Variants in JHY observed in about 807,000 individuals in gnomAD.
JHY encodes the protein jhy protein homolog.
Under a neutral mutation model 78.0 loss-of-function variants are expected in JHY, and 69 were observed. The observed-to-expected ratio is 0.88, with a 90% CI of 0.73 to 1.08. JHY has a LOEUF of 1.08. Ranked by LOEUF, JHY falls within the 50% of genes least tolerant of loss-of-function variation. The pLI, the probability that JHY is intolerant of heterozygous loss-of-function variation, is 0.00. For synonymous variants in JHY, 368 were observed against 342.6 expected (o/e 1.07, Z -0.82); for missense variants, 944 against 927.8 (o/e 1.02, Z -0.23).
intron 5 of JHY, among the ~76,000 whole-genome samples, chr11:122,937,981 C>T (rs553334916): frequency 6.6e-6 from 1 of 151,990 alleles, no homozygotes; most frequent in South Asian, 2.1e-4. Context: ...TCTGAAGCCA[C>T]CTTATTCCTG....
chr11:122,885,627 TACACAC>T, intron 1 of JHY, 128 bp from the exon 2 acceptor site: 1 of 488,868 alleles, frequency 2.0e-6, no homozygotes, highest in Non-Finnish European at 3.6e-6. Flanking sequence ...ACCTTTCTTA[TACACAC>T]AAAAGGGTGC....
chr11:122,959,391 A>G lies in JHY; in HGVS notation c.2283A>G (p.Arg761=), dbSNP rs1164157420. 5.0e-6 allele frequency: 8 copies of G among 1,614,184 alleles called. No homozygotes were observed. The East Asian group carries it at 1.8e-4, about 36-fold the overall frequency. Residue 761 remains arginine, a synonymous_variant, in exon 9 of 9, where the codon AGA becomes AGG. Coordinates refer to ENST00000227349, the MANE Select transcript of JHY (RefSeq NM_024806.4). ...CACTGCTGGAAATACTGCAGAACAG[A>G]CACGAAAGGGAAAAACAGGCTGTGG... ...EISLLEILQN[R]HEREKQAVAA...
intron 5 of JHY, among the ~76,000 whole-genome samples, chr11:122,943,444 C>T (rs1863911679): frequency 6.6e-6 from 1 of 152,148 alleles, no homozygotes. Context: ...ATTCTATATA[C>T]TTACATTCTA....
At position 122,962,938 on chromosome 11, in the gene JHY, T is replaced by C. The variant is rs10892929; in HGVS notation, c.*3493T>C. 0.071 allele frequency among the ~76,000 whole-genome samples: 10,807 copies of C among 152,156 alleles called. 819 individuals are homozygous for C. Among genetic ancestry groups the C allele is most frequent in the African/African-American group, 0.19 (7,815 of 41,472 alleles). On this transcript the variant is annotated 3_prime_UTR_variant, in exon 9 of 9. Transcript: ENST00000227349. ...TGTCTATGGAAAGAGGTTGTCCTTG[T>C]TTCTCTGTGTGGATGAGCAACATAT... is the stretch of plus-strand genomic sequence containing the variant.
At chr11:122,911,477 A>C (rs1863123394) in intron 3 of JHY, among the ~76,000 whole-genome samples, 1 of 152,222 alleles carries the variant, frequency 6.6e-6, no homozygotes, top group Admixed American at 6.5e-5. Flanking sequence ...TGGGATATTA[A>C]CAGAAAACAA....
At chr11:122,905,044 T>A in intron 3 of JHY, 1 of 772,816 alleles carries the variant, frequency 1.3e-6, no homozygotes. Flanking sequence ...TCTTCAGATG[T>A]TTCTATAAAC....
intron 2 of JHY, among the ~76,000 whole-genome samples, chr11:122,890,825 A>G (rs553201569): frequency 6.6e-6 from 1 of 152,284 alleles, no homozygotes; most frequent in Non-Finnish European, 1.5e-5. Context: ...TGTAAATCCT[A>G]GGGTTAGAAT....
At chr11:122,908,472 T>C (rs1455139369) in intron 3 of JHY, among the ~76,000 whole-genome samples, 1 of 152,200 alleles carries the variant, frequency 6.6e-6, no homozygotes. Context: ...TGTGCATTTC[T>C]GACAAGTTCC....
chr11:122,884,421 T>C (rs528614267), intron 1 of JHY, among the ~76,000 whole-genome samples: 4 of 151,800 alleles, frequency 2.6e-5, no homozygotes, highest in Admixed American at 2.6e-4. Context: ...ATGGTAAAGG[T>C]TTCTGTTACC....
chr11:122,926,041 A>G (rs1863491864), intron 4 of JHY, among the ~76,000 whole-genome samples: 2 of 150,204 alleles, frequency 1.3e-5, no homozygotes, highest in African/African-American at 2.4e-5. Flanking sequence ...AAAAAAGATT[A>G]GCCAGGCATG....
At chr11:122,947,196 A>AAT (rs1462388698) in intron 6 of JHY, 1 of 156,512 alleles carries the variant, frequency 6.4e-6, no homozygotes, top group Admixed American at 6.4e-5. Flanking sequence ...CATATCTTAA[A>AAT]AAGTAGAGAA....
rs12284976 is a variant in JHY at position 122,938,409 on chromosome 11, G to A, written c.1634+3334G>A. Among the ~76,000 whole-genome samples the A allele has an allele frequency of 2.6e-3, 360 of 138,874 alleles. 1 individual carries two copies. Among genetic ancestry groups the A allele is most frequent in the African/African-American group, 9.1e-3 (336 of 36,980 alleles). 91.1% of individuals were successfully genotyped at this position (138,874 alleles called of 152,430 possible). On this transcript the variant is annotated intron_variant, in intron 5 of 8. Transcript: ENST00000227349. ...TGTTAATTTCCGACAGGATTTTTTT[G>A]TTGTTGTTTCTGTTATTGGTTTCTG... is the stretch of plus-strand genomic sequence containing the variant.
Position 122,960,901 on chromosome 11 carries a change from A to G in JHY, c.*1456A>G, listed in dbSNP as rs1335094042. 5 of 697,026 alleles carry G rather than the reference A, an allele frequency of 7.2e-6. No homozygotes were observed. The highest frequency in any genetic ancestry group is 4.2e-4 in the Middle Eastern group (1 of 2,364). 43.2% of individuals were successfully genotyped at this position (697,026 alleles called of 1,614,324 possible). On this transcript the variant is annotated 3_prime_UTR_variant, in exon 9 of 9. Coordinates refer to ENST00000227349, the MANE Select transcript of JHY (RefSeq NM_024806.4). ...TACTGGGAATGACTGCATAGAGTGTATAAGGAAGTAAAGAATCGCCTGGAC... is the reference window on the plus strand; with the variant it reads ...TACTGGGAATGACTGCATAGAGTGTGTAAGGAAGTAAAGAATCGCCTGGAC...
At chr11:122,922,785 G>GGGCA (rs1863399625) in intron 3 of JHY, among the ~76,000 whole-genome samples, 1 of 140,118 alleles carries the variant, frequency 7.1e-6, no homozygotes, top group Non-Finnish European at 1.5e-5. Flanking sequence ...ACTCCAGCCT[G>GGGCA]GGCAACAGAG....
At chr11:122,907,674 G>A (rs576880973) in intron 3 of JHY, among the ~76,000 whole-genome samples, 4 of 151,930 alleles carry the variant, frequency 2.6e-5, no homozygotes, top group Non-Finnish European at 4.4e-5. Flanking sequence ...GAGAAAACCC[G>A]TCTCTATTAA....
At chr11:122,885,375 A>T (rs1862473892) in intron 1 of JHY, among the ~76,000 whole-genome samples, 1 of 152,172 alleles carries the variant, frequency 6.6e-6, no homozygotes, top group South Asian at 2.1e-4. Flanking sequence ...ACTACGGACC[A>T]TATTTATATT....
chr11:122,948,268 A>G (rs1233417741), intron 6 of JHY, among the ~76,000 whole-genome samples: 1 of 151,684 alleles, frequency 6.6e-6, no homozygotes, highest in Non-Finnish European at 1.5e-5. Context: ...ACATGGTGAA[A>G]CTCCGTCTCT....
In JHY at chr11:122,962,373, A is replaced by T. The variant is rs564074243; in HGVS notation, c.*2928A>T. 2.8e-4 allele frequency among the ~76,000 whole-genome samples: 42 copies of T among 152,318 alleles called. No individual in the cohort carries two copies. Among genetic ancestry groups the T allele is most frequent in the South Asian group, 1.2e-3 (6 of 4,828 alleles). The stretch of plus-strand genomic sequence containing the variant: ...GTAGCATAAAAGATGCCTGTATGAA[A>T]CCTTCTCTTAAAACTGAAAGCAGTT... On this transcript the variant is annotated 3_prime_UTR_variant, in exon 9 of 9. Coordinates refer to ENST00000227349, the MANE Select transcript of JHY (RefSeq NM_024806.4).
chr11:122,907,528 A>G (rs1863020545), intron 3 of JHY, among the ~76,000 whole-genome samples: 2 of 152,166 alleles, frequency 1.3e-5, no homozygotes, highest in African/African-American at 2.4e-5. Flanking sequence ...GCTAGATATC[A>G]GAATCACCTG....
Sources: gnomAD v4.1 joint callset for allele counts (sites outside exome capture counted in the v4.1 genomes callset) on GRCh38, gnomAD v4.1.1 for gene constraint, MANE v1.5 for transcripts, NCBI Gene and HGNC (gene_info 2026-07-23, HGNC 2026-07-21) for gene names.